MALRD1: variants seen among roughly 807,000 people sequenced by gnomAD.
MALRD1 encodes the protein MAM and LDL receptor class A domain containing 1.
A neutral mutation model predicts 242.1 loss-of-function variants in MALRD1; 247 were observed. That is an observed-to-expected ratio of 1.02 (90% confidence interval 0.92 to 1.13). The LOEUF (loss-of-function observed/expected upper bound fraction) is 1.13, where lower values mean the gene tolerates loss of function less well. Among genes scored for constraint, MALRD1 ranks in the 50% most tolerant of loss-of-function variants. MALRD1 has a pLI of 0.00. For missense variants in MALRD1, 2,989 were observed against 2,533.1 expected, an observed-to-expected ratio of 1.18 and a Z score of -3.86; for synonymous variants, 995 against 866.6, an observed-to-expected ratio of 1.15 and a Z score of -2.60.
intron 2 of MALRD1, among the ~76,000 whole-genome samples, chr10:19,085,972 G>A (rs928507554): frequency 3.3e-5 from 5 of 151,942 alleles, no homozygotes; most frequent in Non-Finnish European, 7.4e-5. Flanking sequence ...GGCTGATTAT[G>A]CGTATTTGAT....
intron 18 of MALRD1, among the ~76,000 whole-genome samples, chr10:19,216,722 G>T (rs917190650): frequency 6.6e-6 from 1 of 151,464 alleles, no homozygotes; most frequent in Non-Finnish European, 1.5e-5. Context: ...GAGGTGGGTG[G>T]ATCACGAGGT....
At chr10:19,115,568 A>G (rs976033159) in intron 5 of MALRD1, among the ~76,000 whole-genome samples, 16 of 152,210 alleles carry the variant, frequency 1.1e-4, no homozygotes, top group South Asian at 6.2e-4. Context: ...GAGGAAGTTT[A>G]TAATATATGG....
intron 30 of MALRD1, 78 bp from the exon 31 acceptor site, chr10:19,498,407 T>C: frequency 7.7e-7 from 1 of 1,294,126 alleles, no homozygotes; most frequent in Non-Finnish European, 1.1e-6. Flanking sequence ...ATACTAATTT[T>C]AAATGATCCC....
chr10:19,635,317 A>G (rs540300416), intron 36 of MALRD1, among the ~76,000 whole-genome samples: 1 of 152,348 alleles, frequency 6.6e-6, no homozygotes, highest in South Asian at 2.1e-4. Flanking sequence ...TAAAATAAAA[A>G]TAATAAGTCA....
chr10:19,301,163 C>A (rs936178164), intron 21 of MALRD1, among the ~76,000 whole-genome samples: 14 of 151,898 alleles, frequency 9.2e-5, no homozygotes, highest in African/African-American at 3.4e-4. Context: ...CAGTGAGATA[C>A]CATCTCAAAC....
At chr10:19,394,613 C>G (rs953183528) in intron 28 of MALRD1, among the ~76,000 whole-genome samples, 2 of 152,126 alleles carry the variant, frequency 1.3e-5, no homozygotes, top group African/African-American at 4.8e-5. Context: ...TGCATCCATC[C>G]AAACCCACCT....
intron 38 of MALRD1, among the ~76,000 whole-genome samples, chr10:19,714,102 A>AG (rs1834268524): frequency 6.6e-6 from 1 of 152,040 alleles, no homozygotes; most frequent in East Asian, 1.9e-4. Flanking sequence ...AGCTTGTGTT[A>AG]TTCAGCTCCA....
At chr10:19,313,501 T>C (rs995958019) in intron 21 of MALRD1, among the ~76,000 whole-genome samples, 2 of 151,352 alleles carry the variant, frequency 1.3e-5, no homozygotes, top group Non-Finnish European at 3.0e-5. Flanking sequence ...AATAGAATAA[T>C]TTGAATGTTT....
chr10:19,321,902 A>T (rs1012404669), intron 21 of MALRD1, among the ~76,000 whole-genome samples: 1 of 152,204 alleles, frequency 6.6e-6, no homozygotes, highest in African/African-American at 2.4e-5. Context: ...ATGTGTGAAG[A>T]ATGAATAGAG....
At chr10:19,548,645 T>G (rs554338157) in intron 32 of MALRD1, among the ~76,000 whole-genome samples, 53 of 152,152 alleles carry the variant, frequency 3.5e-4, no homozygotes, top group African/African-American at 4.8e-5. Flanking sequence ...TGTTATGAAC[T>G]GTAATATAAA....
rs1198682313 is a variant in MALRD1 at position 19,171,601 on chromosome 10, T to TAC, written c.1831-3597_1831-3596dup. Among the ~76,000 whole-genome samples, 62 of 119,250 alleles carry TAC rather than the reference T, an allele frequency of 5.2e-4. 3 individuals carry two copies. The highest frequency in any genetic ancestry group is 1.8e-3 in the African/African-American group (60 of 32,742). 78.2% of individuals were successfully genotyped at this position (119,250 alleles called of 152,430 possible). ...ATATATGTCTATGTGTGTATATAAA[T>TAC]ACACACACACATATATGTCTATGTG... On this transcript the variant is annotated intron_variant, in intron 13 of 39. Transcript: ENST00000454679.
At chr10:19,443,526 G>T (rs900525806) in intron 28 of MALRD1, among the ~76,000 whole-genome samples, 1 of 152,104 alleles carries the variant, frequency 6.6e-6, no homozygotes, top group African/African-American at 2.4e-5. Flanking sequence ...TGTTGTCTTT[G>T]CTCTCATTGG....
intron 21 of MALRD1, among the ~76,000 whole-genome samples, chr10:19,317,878 G>C (rs1284120488): frequency 2.0e-5 from 3 of 152,036 alleles, no homozygotes; most frequent in Admixed American, 6.6e-5. Flanking sequence ...CTTTTAAAAT[G>C]ACTTGTACAT....
At chr10:19,287,779 T>C (rs1294678796) in intron 21 of MALRD1, among the ~76,000 whole-genome samples, 2 of 152,132 alleles carry the variant, frequency 1.3e-5, no homozygotes, top group Non-Finnish European at 1.5e-5. Flanking sequence ...TAACAATGCA[T>C]TTCTCAGAAC....
At chr10:19,570,773 A>G (rs1349508041) in intron 33 of MALRD1, among the ~76,000 whole-genome samples, 2 of 152,086 alleles carry the variant, frequency 1.3e-5, no homozygotes, top group East Asian at 1.9e-4. Flanking sequence ...AAGATATACA[A>G]AATATAATAT....
chr10:19,123,276 T>C (rs1394037805), intron 5 of MALRD1, among the ~76,000 whole-genome samples: 1 of 151,516 alleles, frequency 6.6e-6, no homozygotes, highest in Non-Finnish European at 1.5e-5. Context: ...TTTGTTCTGT[T>C]TTTCTCTGTC....
At chr10:19,359,047 C>T (rs912470602) in intron 26 of MALRD1, among the ~76,000 whole-genome samples, 1 of 152,062 alleles carries the variant, frequency 6.6e-6, no homozygotes, top group African/African-American at 2.4e-5. Flanking sequence ...AGTGACATGA[C>T]GGCTACTGAT....
At chr10:19,340,079 TCCCTCTCTG>T (rs1843777981) in intron 24 of MALRD1, among the ~76,000 whole-genome samples, 1 of 152,068 alleles carries the variant, frequency 6.6e-6, no homozygotes, top group Non-Finnish European at 1.5e-5. Flanking sequence ...TCCTACCAGG[TCCCTCTCTG>T]ACACTTGGAG....
At chr10:19,609,828 G>T (rs1299831215) in intron 35 of MALRD1, among the ~76,000 whole-genome samples, 1 of 151,964 alleles carries the variant, frequency 6.6e-6, no homozygotes, top group African/African-American at 2.4e-5. Flanking sequence ...TTATGCTAAG[G>T]TGAAACTATA....
Sources: allele counts gnomAD v4.1 joint callset (sites outside exome capture counted in the v4.1 genomes callset), GRCh38; gene constraint gnomAD v4.1.1; transcripts MANE v1.5; gene names NCBI Gene and HGNC (gene_info 2026-07-23, HGNC 2026-07-21).